The following CIT variants were observed in gnomAD, a reference collection of about 807,000 sequenced individuals.
CIT encodes citron rho-interacting serine/threonine kinase.
Under a neutral mutation model 272.7 loss-of-function variants are expected in CIT, and 79 were observed. The ratio of observed to expected loss-of-function variants is 0.29; its 90% confidence interval spans 0.24 to 0.35. The LOEUF (loss-of-function observed/expected upper bound fraction) is 0.35, where lower values mean the gene tolerates loss of function less well. Ranked by LOEUF, CIT falls within the 10% of genes least tolerant of loss-of-function variation. CIT has a pLI of 1.00. For synonymous variants in CIT, 948 were observed against 995.6 expected, an observed-to-expected ratio of 0.95 and a Z score of 0.90; for missense variants, 1,909 against 2,618.3, an observed-to-expected ratio of 0.73 and a Z score of 5.91.
At chr12:119,861,512 G>A (rs1447305287) in intron 3 of CIT, among the ~76,000 whole-genome samples, 2 of 151,946 alleles carry the variant, frequency 1.3e-5, no homozygotes, top group African/African-American at 2.4e-5. Context: ...GCTTGAACCT[G>A]GGAGGCAGAG....
In CIT at chr12:119,751,965, G is replaced by A. The variant is rs1053443056; in HGVS notation, c.2904+85C>T. 49 of 1,208,028 alleles carry A rather than the reference G, an allele frequency of 4.1e-5. No homozygotes were observed. In the Middle Eastern group the frequency reaches 8.5e-4, roughly 21 times the overall value. The allele number at this position is 1,208,028 out of a possible 1,614,324, so 74.8% of individuals were successfully genotyped here. ...TGTTTTCCCTCCTGGAATTTCTAAG[G>A]GTGAGCCAGTATACTCAGTGCCAGT... is the stretch of plus-strand genomic sequence containing the variant. On this transcript the variant is annotated intron_variant, in intron 23 of 47. Transcript: ENST00000392521.
chr12:119,693,124 C>T lies in CIT; in HGVS notation c.5883-2670G>A, dbSNP rs944045586. On this transcript the variant is annotated intron_variant, in intron 46 of 47. Coordinates refer to ENST00000392521, the MANE Select transcript of CIT (RefSeq NM_001206999.2). Reference sequence around the variant, plus strand: ...TTGCTCAAGGGAAGGCCATTCAGGACGTCAGCTGAGATTAACGGGAGGAAG... The same window carrying T: ...TTGCTCAAGGGAAGGCCATTCAGGATGTCAGCTGAGATTAACGGGAGGAAG... 7.9e-5 allele frequency among the ~76,000 whole-genome samples: 12 copies of T among 152,156 alleles called. No individual in the cohort carries two copies. The South Asian group carries it at 1.4e-3, about 18-fold the overall frequency.
At chr12:119,824,038 CAAAAAAAA>C (rs33990395) in intron 8 of CIT, among the ~76,000 whole-genome samples, 4 of 50,712 alleles carry the variant, frequency 7.9e-5, no homozygotes, top group Non-Finnish European at 1.3e-4. Flanking sequence ...GACTCCATCT[CAAAAAAAA>C]AAAAAAAAAA....
chr12:119,862,809 A>C (rs1264206700), intron 3 of CIT, among the ~76,000 whole-genome samples: 3 of 62,360 alleles, frequency 4.8e-5, no homozygotes, highest in African/African-American at 2.7e-4. Context: ...GACTCTACCT[A>C]AAAAAAAAAA....
chr12:119,822,714 T>C, intron 9 of CIT, 106 bp downstream of exon 9: 1 of 1,205,064 alleles, frequency 8.3e-7, no homozygotes, highest in Non-Finnish European at 1.2e-6. Context: ...TTAAAGCCTT[T>C]ATTTATGTAA....
intron 10 of CIT, among the ~76,000 whole-genome samples, chr12:119,800,407 A>C (rs1966092406): frequency 6.6e-6 from 1 of 152,218 alleles, no homozygotes; most frequent in South Asian, 2.1e-4. Context: ...GCCTAAAATA[A>C]TGATGCACTC....
At position 119,869,061 on chromosome 12, in the gene CIT, C is replaced by G; in HGVS notation, c.237G>C (p.Lys79Asn). ...CAAGAAAAAGTTCCCCAAACTTACACTTCCGGACAAAGTTGCTCACGTGCT... is the reference window on the plus strand; with the variant it reads ...CAAGAAAAAGTTCCCCAAACTTACAGTTCCGGACAAAGTTGCTCACGTGCT... ...KIKHVSNFVR[K>N]YSDTIAELQE... Residue 79 changes from lysine to asparagine, a missense_variant and splice_region_variant, in exon 3 of 48, where the codon AAG becomes AAC. Transcript: ENST00000392521. 6.2e-7 allele frequency: 1 copy of G among 1,609,994 alleles called. No individual in the cohort carries two copies. Among genetic ancestry groups the G allele is most frequent in the Non-Finnish European group, 8.5e-7 (1 of 1,179,284 alleles).
chr12:119,817,580 A>G (rs1396048920), intron 9 of CIT, among the ~76,000 whole-genome samples: 4 of 152,046 alleles, frequency 2.6e-5, no homozygotes, highest in Non-Finnish European at 5.9e-5. Context: ...TAAACTTCCC[A>G]CCATTTGGAG....
intron 24 of CIT, among the ~76,000 whole-genome samples, chr12:119,738,165 C>T (rs2137284238): frequency 6.6e-6 from 1 of 152,290 alleles, no homozygotes; most frequent in Middle Eastern, 3.4e-3. Context: ...CACTAAAACT[C>T]AAGAATCTAC....
intron 7 of CIT, among the ~76,000 whole-genome samples, chr12:119,832,022 A>G (rs931529369): frequency 3.3e-5 from 5 of 152,220 alleles, no homozygotes; most frequent in African/African-American, 1.2e-4. Flanking sequence ...GAGAAAGTAT[A>G]AAAGATCAAG....
At chr12:119,871,220 A>G (rs959151375) in intron 2 of CIT, among the ~76,000 whole-genome samples, 3 of 152,074 alleles carry the variant, frequency 2.0e-5, no homozygotes, top group African/African-American at 7.2e-5. Flanking sequence ...GCCAGCAGTC[A>G]GCACCCACAT....
Position 119,713,285 on chromosome 12 carries a change from TTTG to T in CIT, c.4494_4496del (p.Asn1498del), listed in dbSNP as rs1957268822. 3 of 1,613,976 alleles carry T rather than the reference TTTG, an allele frequency of 1.9e-6. No individual in the cohort carries two copies. In the East Asian group the frequency reaches 6.7e-5, roughly 36 times the overall value. On this transcript the variant is annotated inframe_deletion, in exon 35 of 48. Transcript: ENST00000392521. The surrounding 1 kb of genome is among the most constrained non-coding windows in gnomAD (Gnocchi z 5.2). ...TCCTGTCCCAGCCTTGCTGTCCTCG[TTTG>T]TTATTCCTGGGGAAAGAAAGATGGA... is the stretch of plus-strand genomic sequence containing the variant.
chr12:119,705,001 C>T (rs939618997), intron 40 of CIT, among the ~76,000 whole-genome samples: 4 of 152,332 alleles, frequency 2.6e-5, no homozygotes, highest in Admixed American at 1.3e-4. Context: ...CAGCCTCCAC[C>T]TCCCGGCTTC....
At chr12:119,702,044 T>C in intron 41 of CIT, 86 bp from the exon 42 acceptor site, 1 of 941,726 alleles carries the variant, frequency 1.1e-6, no homozygotes, top group Non-Finnish European at 1.7e-6. Flanking sequence ...GCCTACAGCA[T>C]CTAGCCAAGC....
chr12:119,689,050 G>A (rs1799973370), intron 47 of CIT, among the ~76,000 whole-genome samples: 1 of 151,918 alleles, frequency 6.6e-6, no homozygotes, highest in South Asian at 2.1e-4. Flanking sequence ...ATGGTGGCTT[G>A]AGCCTGTAGT....
At chr12:119,725,339 T>C (rs1030434350) in intron 28 of CIT, among the ~76,000 whole-genome samples, 2 of 151,908 alleles carry the variant, frequency 1.3e-5, no homozygotes, top group South Asian at 2.1e-4. Context: ...GGCAGGAGAA[T>C]TGCTTGACCC....
intron 37 of CIT, among the ~76,000 whole-genome samples, chr12:119,711,250 T>G (rs1324225720): frequency 6.6e-6 from 1 of 151,986 alleles, no homozygotes; most frequent in South Asian, 2.1e-4. Flanking sequence ...TTATTAGGAG[T>G]GAAGAGTCTG....
Position 119,688,145 on chromosome 12 carries a change from C to T in CIT, c.*87G>A, listed in dbSNP as rs761061902. On this transcript the variant is annotated 3_prime_UTR_variant, in exon 48 of 48. Transcript: ENST00000392521. ...GCCAGAGGGTGGCTGAGCACGTGGGCGCTTGGGTCCCCATCAGCAGAGTTC... is the reference window on the plus strand; with the variant it reads ...GCCAGAGGGTGGCTGAGCACGTGGGTGCTTGGGTCCCCATCAGCAGAGTTC... The T allele has an allele frequency of 2.2e-4, 323 of 1,450,264 alleles. No individual in the cohort carries two copies. The highest frequency in any genetic ancestry group is 1.6e-4 in the Non-Finnish European group (164 of 1,031,452). 89.8% of individuals were successfully genotyped at this position (1,450,264 alleles called of 1,614,324 possible).
chr12:119,774,956 G>C (rs1369922788), intron 16 of CIT, among the ~76,000 whole-genome samples: 1 of 150,750 alleles, frequency 6.6e-6, no homozygotes, highest in Non-Finnish European at 1.5e-5. Context: ...CTGGGTGACA[G>C]AGTGAGACCC....
Sources: allele counts gnomAD v4.1 joint callset (sites outside exome capture counted in the v4.1 genomes callset), GRCh38; gene constraint gnomAD v4.1.1; non-coding constraint Gnocchi (gnomAD v3.1); transcripts MANE v1.5; gene names NCBI Gene and HGNC (gene_info 2026-07-23, HGNC 2026-07-21).